The following RCOR1 variants were observed in gnomAD, a reference collection of about 807,000 sequenced individuals.
The protein encoded by RCOR1 is REST corepressor 1.
In RCOR1, 12 loss-of-function variants were observed where a neutral mutation model predicts 64.0. The ratio of observed to expected loss-of-function variants is 0.19; its 90% CI spans 0.12 to 0.30. The LOEUF (loss-of-function observed/expected upper bound fraction) is 0.30, where lower values mean the gene tolerates loss of function less well. Ranked by LOEUF, RCOR1 falls within the 10% of genes least tolerant of loss-of-function variation. The pLI, the probability that RCOR1 is intolerant of heterozygous loss-of-function variation, is 1.00. For synonymous variants in RCOR1, 279 were observed against 227.2 expected (o/e 1.23, Z -2.05); for missense variants, 502 against 621.2 (o/e 0.81, Z 2.04).
chr14:102,690,887 A>G (rs1044165409), intron 3 of RCOR1, among the ~76,000 whole-genome samples: 3 of 152,238 alleles, frequency 2.0e-5, no homozygotes, highest in Non-Finnish European at 4.4e-5. Flanking sequence ...TGGTGGGTGT[A>G]TAATAAATAA....
At chr14:102,671,922 T>C (rs961254071) in intron 2 of RCOR1, among the ~76,000 whole-genome samples, 1 of 152,214 alleles carries the variant, frequency 6.6e-6, no homozygotes, top group Admixed American at 6.5e-5. Flanking sequence ...AATAAAATCA[T>C]ACAATAGGCT....
intron 7 of RCOR1, among the ~76,000 whole-genome samples, chr14:102,711,872 A>G (rs1895967633): frequency 6.6e-6 from 1 of 152,210 alleles, no homozygotes; most frequent in Non-Finnish European, 1.5e-5. Context: ...CCTTTTGGTG[A>G]CTTTTTCCTG....
chr14:102,599,884 A>G (rs1440376356), intron 2 of RCOR1, among the ~76,000 whole-genome samples: 1 of 150,284 alleles, frequency 6.7e-6, no homozygotes, highest in Non-Finnish European at 1.5e-5. Flanking sequence ...GCTCACTTCA[A>G]CCTCTGCCTC....
chr14:102,714,342 CATGTTA>C, intron 7 of RCOR1, 75 bp from the exon 8 acceptor site: 1 of 863,358 alleles, frequency 1.2e-6, no homozygotes, highest in Non-Finnish European at 1.7e-6. Context: ...GTTTTGGTGC[CATGTTA>C]AGGAAATAAA....
chr14:102,686,144 A>G (rs1895413168), intron 3 of RCOR1, among the ~76,000 whole-genome samples: 1 of 152,152 alleles, frequency 6.6e-6, no homozygotes, highest in African/African-American at 2.4e-5. Context: ...TCTGTTGTCC[A>G]TGCTGGAGCT....
At position 102,613,502 on chromosome 14, in the gene RCOR1, T is replaced by C. The variant is rs62006451; in HGVS notation, c.361+20177T>C. Among the ~76,000 whole-genome samples the C allele has an allele frequency of 7.5e-5, 11 of 146,766 alleles. No homozygotes were observed. In the East Asian group the frequency reaches 1.6e-3, roughly 22 times the overall value. Reference sequence around the variant, plus strand: ...GGCGGGAGTGCTGTGGCGCGATCTCTGCTCACTGCAAGCTCCGCCTTCCGG... The same window carrying C: ...GGCGGGAGTGCTGTGGCGCGATCTCCGCTCACTGCAAGCTCCGCCTTCCGG... On this transcript the variant is annotated intron_variant, in intron 2 of 11. Coordinates refer to ENST00000262241, the MANE Select transcript of RCOR1 (RefSeq NM_015156.4).
intron 2 of RCOR1, among the ~76,000 whole-genome samples, chr14:102,619,574 G>A (rs968384293): frequency 2.7e-5 from 4 of 150,530 alleles, no homozygotes; most frequent in African/African-American, 7.4e-5. Context: ...TCTGCCTCCC[G>A]GGTTCAAGCG....
In RCOR1 at chr14:102,729,957, G is replaced by C; in HGVS notation, c.*3451G>C. On this transcript the variant is annotated 3_prime_UTR_variant, in exon 12 of 12. Transcript: ENST00000262241. ...CCTCAGATGGACTCCAGGTAGCCAG[G>C]TCACCTAAACCTAGTGGTCCTGTGC... The C allele has an allele frequency of 2.5e-6, 1 of 399,030 alleles. No homozygotes were observed. The highest frequency in any genetic ancestry group is 4.4e-6 in the Non-Finnish European group (1 of 226,068). The allele number at this position is 399,030 out of a possible 1,614,324, so 24.7% of individuals were successfully genotyped here. A position where few individuals can be genotyped will look rare whatever the true frequency, so the allele number is the denominator to read the frequency against.
At chr14:102,595,390 T>C (rs1893220397) in intron 2 of RCOR1, among the ~76,000 whole-genome samples, 1 of 151,858 alleles carries the variant, frequency 6.6e-6, no homozygotes, top group Admixed American at 6.6e-5. Context: ...TAGTTTCAGC[T>C]ACGGGGGGGT....
chr14:102,593,435 C>T (rs940021661), intron 2 of RCOR1, 110 bp downstream of exon 2: 23 of 1,184,700 alleles, frequency 1.9e-5, no homozygotes, highest in Admixed American at 1.1e-4. Context: ...GTGCGTTCGC[C>T]CTGCCGTCCG....
At chr14:102,671,023 C>T (rs3993349) in intron 2 of RCOR1, among the ~76,000 whole-genome samples, 1 of 152,194 alleles carries the variant, frequency 6.6e-6, no homozygotes, top group Non-Finnish European at 1.5e-5. Flanking sequence ...ATCCACCCAT[C>T]TTGGCCTCCC....
chr14:102,603,821 C>T (rs941703444), intron 2 of RCOR1, among the ~76,000 whole-genome samples: 1 of 151,958 alleles, frequency 6.6e-6, no homozygotes, highest in African/African-American at 2.4e-5. Context: ...AGGGTTTCAC[C>T]ATGTTTCCTA....
intron 2 of RCOR1, among the ~76,000 whole-genome samples, chr14:102,623,075 A>G (rs138435964): frequency 1.3e-5 from 2 of 152,184 alleles, no homozygotes; most frequent in African/African-American, 4.8e-5. Flanking sequence ...TGTCTTGGTT[A>G]TGTCTGAACA....
intron 2 of RCOR1, among the ~76,000 whole-genome samples, chr14:102,605,133 TG>T (rs1275786413): frequency 6.6e-6 from 1 of 151,348 alleles, no homozygotes; most frequent in East Asian, 1.9e-4. Flanking sequence ...TTGGATCCAT[TG>T]ATTAGTTGTT....
rs1290941820 is a variant in RCOR1 at position 102,728,933 on chromosome 14, A to G, written c.*2427A>G. The G allele has an allele frequency of 1.3e-5, 2 of 152,652 alleles. No individual in the cohort carries two copies. Among genetic ancestry groups the G allele is most frequent in the East Asian group, 3.8e-4 (2 of 5,202 alleles). The allele number at this position is 152,652 out of a possible 1,614,324, so 9.5% of individuals were successfully genotyped here. On this transcript the variant is annotated 3_prime_UTR_variant, in exon 12 of 12. Transcript: ENST00000262241. ...CTTTGCAATGATGTAAATGTAAGAA[A>G]TCACTTAGCTTTAAAAGCGCAGTGG... is the stretch of plus-strand genomic sequence containing the variant.
chr14:102,624,659 C>T (rs886170992), intron 2 of RCOR1, among the ~76,000 whole-genome samples: 1 of 151,572 alleles, frequency 6.6e-6, no homozygotes, highest in East Asian at 1.9e-4. Flanking sequence ...ACAGCTACTT[C>T]GGAGACTGAG....
chr14:102,662,027 C>T (rs1039090838), intron 2 of RCOR1, among the ~76,000 whole-genome samples: 6 of 152,104 alleles, frequency 3.9e-5, no homozygotes, highest in African/African-American at 1.4e-4. Flanking sequence ...TCTCAAAGTG[C>T]TGGGATTATA....
intron 2 of RCOR1, among the ~76,000 whole-genome samples, chr14:102,670,358 A>G (rs762315421): frequency 1.4e-4 from 22 of 152,344 alleles, no homozygotes; most frequent in South Asian, 4.1e-4. Context: ...GAGTATGACA[A>G]TGACATCTAT....
intron 2 of RCOR1, among the ~76,000 whole-genome samples, chr14:102,605,063 A>G (rs1488454961): frequency 6.4e-5 from 6 of 93,428 alleles, no homozygotes; most frequent in African/African-American, 2.6e-4. Flanking sequence ...GCAATATTCC[A>G]TCTCAAAAAA....
Sources: gnomAD v4.1 joint callset for allele counts (sites outside exome capture counted in the v4.1 genomes callset) on GRCh38, gnomAD v4.1.1 for gene constraint, MANE v1.5 for transcripts, NCBI Gene and HGNC (gene_info 2026-07-23, HGNC 2026-07-21) for gene names.